RAD52: variants seen among roughly 807,000 people sequenced by gnomAD.
The protein encoded by RAD52 is RAD52 DNA repair protein.
Under a neutral mutation model 55.5 loss-of-function variants are expected in RAD52, and 47 were observed. The observed-to-expected ratio is 0.85, with a 90% CI of 0.67 to 1.08. The LOEUF is 1.08. Among genes scored for constraint, RAD52 ranks in the 50% least tolerant of loss-of-function variants. RAD52 has a pLI of 0.00. For synonymous variants in RAD52, 184 were observed against 198.9 expected, an observed-to-expected ratio of 0.92 and a Z score of 0.63; for missense variants, 468 against 522.8, an observed-to-expected ratio of 0.90 and a Z score of 1.02.
At position 966,277 on chromosome 12, in the gene RAD52, A is replaced by G. The variant is rs117972738; in HGVS notation, c.-19+23532T>C. Among the ~76,000 whole-genome samples the G allele has an allele frequency of 7.9e-5, 12 of 152,192 alleles. No individual in the cohort carries two copies. In the East Asian group the frequency reaches 1.9e-3, roughly 24 times the overall value. ...CCACCGCGATGGGCCCAATATGTAA[A>G]TAGGGGTGTTGTATGGAACTTCTGG... is the stretch of plus-strand genomic sequence containing the variant. On this transcript the variant is annotated intron_variant, in intron 1 of 11. Coordinates refer to the RAD52 transcript ENST00000430095.
At chr12:933,419 T>C (rs1957444872) in intron 1 of RAD52, among the ~76,000 whole-genome samples, 2 of 148,878 alleles carry the variant, frequency 1.3e-5, no homozygotes, top group African/African-American at 5.0e-5. Context: ...GATCACACCC[T>C]GCACTCCAGC....
At chr12:953,283 G>A (rs1247275192), upstream of RAD52, among the ~76,000 whole-genome samples, 1 of 151,584 alleles carries the variant, frequency 6.6e-6, no homozygotes, top group South Asian at 2.1e-4. Context: ...CAGCCTGAGC[G>A]ACAGAGTGAG....
intron 5 of RAD52, 62 bp from the exon 6 acceptor site, chr12:927,325 T>A: frequency 8.2e-7 from 1 of 1,221,478 alleles, no homozygotes; most frequent in Non-Finnish European, 1.2e-6. Flanking sequence ...ACAACTCCCC[T>A]GTTCCTCAAG....
intron 1 of RAD52, among the ~76,000 whole-genome samples, chr12:942,652 C>T (rs1297666306): frequency 2.6e-5 from 4 of 151,590 alleles, no homozygotes; most frequent in Non-Finnish European, 5.9e-5. Flanking sequence ...GAGGCTGGGG[C>T]AGGAGAATCG....
At chr12:935,896 A>C (rs996285520) in intron 1 of RAD52, among the ~76,000 whole-genome samples, 10 of 127,110 alleles carry the variant, frequency 7.9e-5, no homozygotes, top group South Asian at 3.1e-4. Context: ...AAATAAATAA[A>C]TAACTAGAGA....
intron 1 of RAD52, among the ~76,000 whole-genome samples, chr12:961,442 C>T (rs947027159): frequency 6.6e-6 from 1 of 151,676 alleles, no homozygotes; most frequent in African/African-American, 2.4e-5. Context: ...CAGAATGTGA[C>T]CATATTTGGA....
In RAD52 at chr12:913,290, A is replaced by G; in HGVS notation, c.*101T>C. ...TCAGAATGAAGCAAGATAAATCGCA[A>G]TGACGTTCATTCTCCAGCAGCGATG... On this transcript the variant is annotated 3_prime_UTR_variant, in exon 12 of 12. Coordinates refer to ENST00000358495, the MANE Select transcript of RAD52 (RefSeq NM_134424.4). 1.1e-6 allele frequency: 1 copy of G among 887,910 alleles called. No homozygotes were observed. Among genetic ancestry groups the G allele is most frequent in the Non-Finnish European group, 1.8e-6 (1 of 553,584 alleles). 55.0% of individuals were successfully genotyped at this position (887,910 alleles called of 1,614,324 possible). A position where few individuals can be genotyped will look rare whatever the true frequency, so the allele number is the denominator to read the frequency against.
intron 1 of RAD52, among the ~76,000 whole-genome samples, chr12:985,060 C>T (rs890552002): frequency 1.3e-5 from 2 of 152,176 alleles, no homozygotes; most frequent in Non-Finnish European, 1.5e-5. Context: ...CCGCCTGCCT[C>T]GGCCCCCCAA....
intron 1 of RAD52, chr12:975,331 A>G (rs914858497): frequency 6.6e-6 from 1 of 152,202 alleles, no homozygotes; most frequent in Non-Finnish European, 1.5e-5. Context: ...GTTCAACTAC[A>G]CAATACAAAC....
In RAD52 at chr12:929,840, T is replaced by C. The variant is rs767393704; in HGVS notation, c.327A>G (p.Ala109=). Residue 109 remains alanine, a synonymous_variant, in exon 5 of 12, where the codon GCA becomes GCG. Coordinates refer to ENST00000358495, the MANE Select transcript of RAD52 (RefSeq NM_134424.4). ...TCACCTTCAGCTGGACCCTCACAAATGCACAGACTCCCACGTAGAACTTGC... is the reference window on the plus strand; with the variant it reads ...TCACCTTCAGCTGGACCCTCACAAACGCACAGACTCCCACGTAGAACTTGC... ...NNGKFYVGVC[A]FVRVQLKDGS... The C allele has an allele frequency of 1.2e-6, 2 of 1,613,992 alleles. No individual in the cohort carries two copies. The highest frequency in any genetic ancestry group is 1.1e-5 in the South Asian group (1 of 91,082).
At chr12:923,444 A>G (rs1351003142) in intron 7 of RAD52, among the ~76,000 whole-genome samples, 2 of 151,972 alleles carry the variant, frequency 1.3e-5, no homozygotes, top group Non-Finnish European at 2.9e-5. Context: ...CAGCCACCTG[A>G]GAGGCTGAGG....
upstream of RAD52, among the ~76,000 whole-genome samples, chr12:954,503 G>A (rs1272895183): frequency 1.3e-5 from 2 of 151,966 alleles, no homozygotes; most frequent in Non-Finnish European, 2.9e-5. Flanking sequence ...GTGGTGACAC[G>A]CACCTGTAAT....
intron 1 of RAD52, among the ~76,000 whole-genome samples, chr12:966,081 A>G (rs541195403): frequency 1.3e-5 from 2 of 152,132 alleles, no homozygotes; most frequent in East Asian, 3.9e-4. Flanking sequence ...GGCTCAAGCC[A>G]TCCTCCCAAC....
At chr12:940,612 A>C (rs1022805072) in intron 1 of RAD52, among the ~76,000 whole-genome samples, 2 of 152,010 alleles carry the variant, frequency 1.3e-5, no homozygotes, top group African/African-American at 4.8e-5. Flanking sequence ...ACTCCGTCTA[A>C]AACAAAACAA....
At chr12:918,981 A>G (rs1956561772) in intron 7 of RAD52, among the ~76,000 whole-genome samples, 1 of 152,164 alleles carries the variant, frequency 6.6e-6, no homozygotes, top group African/African-American at 2.4e-5. Context: ...CCATTTGTGA[A>G]CTTTACATAT....
intron 1 of RAD52, among the ~76,000 whole-genome samples, chr12:981,670 T>G (rs1959017348): frequency 6.6e-6 from 1 of 151,622 alleles, no homozygotes; most frequent in African/African-American, 2.4e-5. Flanking sequence ...GGCAGGATAA[T>G]CGCTCGAGCC....
intron 1 of RAD52, among the ~76,000 whole-genome samples, chr12:983,695 C>T (rs932359660): frequency 1.3e-5 from 2 of 150,278 alleles, no homozygotes; most frequent in African/African-American, 4.8e-5. Flanking sequence ...GCTGGGATTA[C>T]AGGCATGAGC....
At chr12:923,225 A>C (rs1956831878) in intron 7 of RAD52, among the ~76,000 whole-genome samples, 1 of 151,764 alleles carries the variant, frequency 6.6e-6, no homozygotes. Context: ...CACCTCTTAA[A>C]AAAAAAAGCC....
chr12:916,582 G>A, intron 8 of RAD52, 57 bp downstream of exon 8: 13 of 1,596,246 alleles, frequency 8.1e-6, no homozygotes, highest in South Asian at 1.1e-5. Context: ...CTGAGTGGAG[G>A]CAGCCCCGTG....
Sources: allele counts gnomAD v4.1 joint callset (sites outside exome capture counted in the v4.1 genomes callset), GRCh38; gene constraint gnomAD v4.1.1; transcripts MANE v1.5; gene names NCBI Gene and HGNC (gene_info 2026-07-23, HGNC 2026-07-21).